The following SCPEP1 variants were observed in gnomAD, a reference collection of about 807,000 sequenced individuals.
SCPEP1 encodes the protein retinoid-inducible serine carboxypeptidase.
Under a neutral mutation model 63.8 loss-of-function variants are expected in SCPEP1, and 51 were observed. That is an observed-to-expected ratio of 0.80 (90% confidence interval 0.64 to 1.01). SCPEP1 has a LOEUF of 1.01. Ranked by LOEUF, SCPEP1 falls within the 50% of genes least tolerant of loss-of-function variation. SCPEP1 has a pLI of 0.00. For synonymous variants in SCPEP1, 204 were observed against 207.8 expected, an observed-to-expected ratio of 0.98 and a Z score of 0.16; for missense variants, 499 against 554.9, an observed-to-expected ratio of 0.90 and a Z score of 1.01.
rs149852620 is a variant in SCPEP1, at chr17:57,006,455, T to C, written c.*220T>C. The C allele has an allele frequency of 9.8e-4, 360 of 368,068 alleles. 2 individuals carry two copies. Among genetic ancestry groups the C allele is most frequent in the African/African-American group, 7.2e-3 (344 of 47,788 alleles). 22.8% of individuals were successfully genotyped at this position (368,068 alleles called of 1,614,324 possible). A position where few individuals can be genotyped will look rare whatever the true frequency, so the allele number is the denominator to read the frequency against. ...AACCTAAGATTTTTTAAAAAATTGA[T>C]TTGTTTTGATCAAAATAAAGGATGA... is the stretch of plus-strand genomic sequence containing the variant. On this transcript the variant is annotated 3_prime_UTR_variant, in exon 13 of 13. Coordinates refer to ENST00000262288, the MANE Select transcript of SCPEP1 (RefSeq NM_021626.3).
intron 3 of SCPEP1, among the ~76,000 whole-genome samples, chr17:56,986,180 C>T (rs1042636754): frequency 6.6e-6 from 1 of 152,078 alleles, no homozygotes; most frequent in Non-Finnish European, 1.5e-5. Flanking sequence ...CAGTGCTCCT[C>T]CTCCAGCCTC....
intron 6 of SCPEP1, 95 bp from the exon 7 acceptor site, chr17:56,994,886 C>G (rs1463379367): frequency 1.7e-6 from 2 of 1,156,286 alleles, no homozygotes; most frequent in Non-Finnish European, 2.6e-6. Context: ...TTTCTTGCTT[C>G]TGTCTCTTTC....
At chr17:56,994,571 G>C (rs1408861785) in intron 6 of SCPEP1, among the ~76,000 whole-genome samples, 1 of 152,196 alleles carries the variant, frequency 6.6e-6, no homozygotes, top group Admixed American at 6.5e-5. Flanking sequence ...TCTCCAAACT[G>C]GAGGAGCAAA....
intron 1 of SCPEP1, among the ~76,000 whole-genome samples, chr17:56,978,926 A>T (rs1287745255): frequency 6.6e-6 from 1 of 152,204 alleles, no homozygotes. Context: ...TAAAATAAGT[A>T]GCTCTGCCAA....
chr17:56,987,843 A>C lies in SCPEP1; in HGVS notation c.464A>C (p.Glu155Ala), dbSNP rs1362485027. 3 of 1,613,962 alleles carry C rather than the reference A, an allele frequency of 1.9e-6. No individual in the cohort carries two copies. Among genetic ancestry groups the C allele is most frequent in the East Asian group, 2.2e-5 (1 of 44,894 alleles). ...AAGACCTTCTTCAGTTGCCACAAAG[A>C]ATTCCAGGTAAGCAAAGACTCAGGA... ...LLKTFFSCHK[E>A]FQTVPFYIFS... The change falls in exon 4 of 13, where the codon GAA becomes GCA. Residue 155 changes from glutamate (E) to alanine (A), a missense_variant. Transcript: ENST00000262288.
At chr17:56,991,002 G>T (rs751132540) in intron 5 of SCPEP1, 97 bp from the exon 6 acceptor site, 3 of 903,552 alleles carry the variant, frequency 3.3e-6, no homozygotes, top group Non-Finnish European at 5.6e-6. Context: ...GTATTCCTAG[G>T]CTCAAGCGAT....
intron 10 of SCPEP1, among the ~76,000 whole-genome samples, chr17:57,000,473 T>C (rs1911705885): frequency 6.6e-6 from 1 of 152,174 alleles, no homozygotes; most frequent in African/African-American, 2.4e-5. Flanking sequence ...AACTTGGCCC[T>C]GGTGTTACTC....
chr17:57,002,696 GAC>G, intron 12 of SCPEP1, among the ~76,000 whole-genome samples: 1 of 151,616 alleles, frequency 6.6e-6, no homozygotes, highest in Non-Finnish European at 1.5e-5. Context: ...AACAGAGTGA[GAC>G]TCTGTCTCAA....
intron 10 of SCPEP1, among the ~76,000 whole-genome samples, chr17:56,999,932 A>G (rs1358248774): frequency 6.6e-6 from 1 of 151,476 alleles, no homozygotes; most frequent in Non-Finnish European, 1.5e-5. Flanking sequence ...CGGTGAGCCA[A>G]GATTGTGCCA....
At position 56,996,401 on chromosome 17, in the gene SCPEP1, C is replaced by T. The variant is rs141644849; in HGVS notation, c.787-561C>T. ...TGTATTTTTAGTAGAGAAGGGGTTT[C>T]ACCGTGTTGCCCAGGCTGGTCTTGA... On this transcript the variant is annotated intron_variant, in intron 8 of 12. Transcript: ENST00000262288. 4.5e-4 allele frequency among the ~76,000 whole-genome samples: 68 copies of T among 152,076 alleles called. No individual in the cohort carries two copies. In the East Asian group the frequency reaches 0.013, roughly 29 times the overall value.
chr17:56,996,461 T>A (rs974250690), intron 8 of SCPEP1, among the ~76,000 whole-genome samples: 2 of 152,080 alleles, frequency 1.3e-5, no homozygotes, highest in African/African-American at 4.8e-5. Flanking sequence ...CACCTCAGCC[T>A]CCCAAAGTGC....
In SCPEP1 at chr17:56,987,712, C is replaced by T; in HGVS notation, c.333C>T (p.Leu111=). Residue 111 remains leucine (L), a synonymous_variant, in exon 4 of 13, where the codon CTC becomes CTT. Coordinates refer to ENST00000262288, the MANE Select transcript of SCPEP1 (RefSeq NM_021626.3). ...RKTTWLQAAS[L]LFVDNPVGTG... ...GTACATAGCTCCAGGCTGCCAGTCT[C>T]CTATTTGTGGATAATCCCGTGGGCA... is the stretch of plus-strand genomic sequence containing the variant. The T allele has an allele frequency of 6.2e-7, 1 of 1,613,822 alleles. No homozygotes were observed. The highest frequency in any genetic ancestry group is 8.5e-7 in the Non-Finnish European group (1 of 1,179,928).
Position 56,997,059 on chromosome 17 carries a change from A to G in SCPEP1, c.880+4A>G. ...GAATTCACACAGAGCCACCTAGGTG[A>G]GTGAACCTTGAAGTTATTAAAGTCC... On this transcript the variant is annotated splice_donor_region_variant and intron_variant, in intron 9 of 12. Coordinates refer to ENST00000262288, the MANE Select transcript of SCPEP1 (RefSeq NM_021626.3). 1.3e-6 allele frequency: 2 copies of G among 1,564,986 alleles called. No homozygotes were observed. Among genetic ancestry groups the G allele is most frequent in the Non-Finnish European group, 1.7e-6 (2 of 1,150,424 alleles).
chr17:56,996,851 T>C (rs916336215), intron 8 of SCPEP1, 111 bp from the exon 9 acceptor site: 6 of 625,604 alleles, frequency 9.6e-6, no homozygotes, highest in African/African-American at 7.4e-5. Context: ...CAAGCAGATA[T>C]ACAAAATTAA....
At chr17:56,992,243 T>A (rs1911422542) in intron 6 of SCPEP1, among the ~76,000 whole-genome samples, 1 of 152,212 alleles carries the variant, frequency 6.6e-6, no homozygotes, top group Non-Finnish European at 1.5e-5. Context: ...ATATTCCCAA[T>A]AACCATTACG....
At chr17:56,999,751 G>A (rs1009423685) in intron 10 of SCPEP1, among the ~76,000 whole-genome samples, 2 of 152,214 alleles carry the variant, frequency 1.3e-5, no homozygotes, top group Non-Finnish European at 2.9e-5. Flanking sequence ...GGGATGCCAA[G>A]GTGGGCGGAT....
intron 6 of SCPEP1, among the ~76,000 whole-genome samples, chr17:56,993,522 C>A (rs9909949): frequency 0.79 from 120,695 of 152,124 alleles, 48,678 homozygotes; most frequent in Admixed American, 0.87. Context: ...CGGCTCACTG[C>A]AACCTCCGCC....
chr17:56,989,581 G>T (rs1369597162), intron 5 of SCPEP1, among the ~76,000 whole-genome samples: 1 of 152,198 alleles, frequency 6.6e-6, no homozygotes, highest in African/African-American at 2.4e-5. Context: ...ACAGCTGGTT[G>T]GCTGTCAGTA....
intron 6 of SCPEP1, among the ~76,000 whole-genome samples, chr17:56,993,306 A>C (rs1330779511): frequency 6.6e-6 from 1 of 152,244 alleles, no homozygotes; most frequent in Non-Finnish European, 1.5e-5. Flanking sequence ...TGGACTGCAC[A>C]GATACAGAAC....
Sources: gnomAD v4.1 joint callset for allele counts (sites outside exome capture counted in the v4.1 genomes callset) on GRCh38, gnomAD v4.1.1 for gene constraint, MANE v1.5 for transcripts, NCBI Gene and HGNC (gene_info 2026-07-23, HGNC 2026-07-21) for gene names.